The following PABPC4L variants were observed in gnomAD, a reference collection of about 807,000 sequenced individuals.
PABPC4L encodes poly(A) binding protein cytoplasmic 4 like.
For synonymous variants in PABPC4L, 169 were observed against 164.1 expected, an observed-to-expected ratio of 1.03 and a Z score of -0.23; for missense variants, 452 against 451.4, an observed-to-expected ratio of 1.00 and a Z score of -0.01.
At chr4:134,004,584 A>G in the PABPC4L span, among the ~76,000 whole-genome samples, 1 of 151,914 alleles carries the variant, frequency 6.6e-6, no homozygotes, top group Non-Finnish European at 1.5e-5. Flanking sequence ...GAAAATTACC[A>G]TATAATGCAG....
At chr4:134,059,447 C>T in the PABPC4L span, among the ~76,000 whole-genome samples, 1 of 149,718 alleles carries the variant, frequency 6.7e-6, no homozygotes, top group Non-Finnish European at 1.5e-5. Context: ...TATATATACA[C>T]ACATGTACAC....
chr4:134,099,246 A>C, the PABPC4L span, among the ~76,000 whole-genome samples: 2 of 151,730 alleles, frequency 1.3e-5, no homozygotes, highest in Non-Finnish European at 3.0e-5. Context: ...ATTATAGATT[A>C]AAATTATCTT....
chr4:134,095,897 C>A, the PABPC4L span, among the ~76,000 whole-genome samples: 355 of 152,102 alleles, frequency 2.3e-3, 4 homozygotes, highest in African/African-American at 7.9e-3. Flanking sequence ...CAGAGAACTT[C>A]CAGATCACTC....
chr4:134,120,742 T>C, the PABPC4L span, among the ~76,000 whole-genome samples: 8 of 151,510 alleles, frequency 5.3e-5, no homozygotes, highest in African/African-American at 1.9e-4. Flanking sequence ...TTTAATTTCA[T>C]TTAGGACACT....
the PABPC4L span, among the ~76,000 whole-genome samples, chr4:134,096,942 A>G: frequency 4.6e-5 from 7 of 152,106 alleles, no homozygotes; most frequent in Non-Finnish European, 7.4e-5. Context: ...TCTAAAGATC[A>G]TTTAAATATA....
the PABPC4L span, among the ~76,000 whole-genome samples, chr4:134,156,885 G>T: frequency 6.6e-6 from 1 of 151,914 alleles, no homozygotes; most frequent in Admixed American, 6.6e-5. Flanking sequence ...AACAGCTCTG[G>T]TCCACTAATG....
chr4:134,088,331 C>G, the PABPC4L span, among the ~76,000 whole-genome samples: 1 of 152,072 alleles, frequency 6.6e-6, no homozygotes, highest in Non-Finnish European at 1.5e-5. Context: ...TTCAAAAGCA[C>G]CTCTACTACT....
chr4:134,012,777 C>T, the PABPC4L span, among the ~76,000 whole-genome samples: 4 of 152,184 alleles, frequency 2.6e-5, no homozygotes, highest in African/African-American at 9.6e-5. Context: ...CGGTAAGCGG[C>T]CTCTTTTTAC....
At chr4:134,082,745 G>A in the PABPC4L span, among the ~76,000 whole-genome samples, 1 of 151,640 alleles carries the variant, frequency 6.6e-6, no homozygotes, top group Non-Finnish European at 1.5e-5. Flanking sequence ...TACATCATTA[G>A]CATATTTTTC....
At chr4:134,131,434 C>G in the PABPC4L span, among the ~76,000 whole-genome samples, 1 of 151,778 alleles carries the variant, frequency 6.6e-6, no homozygotes, top group Admixed American at 6.6e-5. Context: ...AGAACTCGAT[C>G]CCTTTTACAA....
rs1410458752 is a variant in PABPC4L, at chr4:134,200,865, C to T, written c.155G>A (p.Gly52Asp). ...CRDQVTRRSL[G>D]YAYVNFLQLA... ...CTGCAAGAAGTTCACGTAGGCATAG[C>T]CCAGAGAGCGGCGGGTGACCTGGTC... is the stretch of plus-strand genomic sequence containing the variant. Residue 52 changes from glycine (G) to aspartate (D), a missense_variant, in exon 2 of 2, where the codon GGC becomes GAC. Gly to Asp is a moderately conservative substitution (Grantham distance 94, BLOSUM62 -1). Coordinates refer to ENST00000421491, the MANE Select transcript of PABPC4L (RefSeq NM_001114734.2). 1 of 1,574,932 alleles carries T rather than the reference C, an allele frequency of 6.3e-7. No homozygotes were observed. Among genetic ancestry groups the T allele is most frequent in the East Asian group, 2.3e-5 (1 of 43,040 alleles).
chr4:133,970,052 TAAA>T, the PABPC4L span, among the ~76,000 whole-genome samples: 2 of 144,246 alleles, frequency 1.4e-5, no homozygotes, highest in African/African-American at 5.0e-5. Flanking sequence ...TTTATTTATT[TAAA>T]ATATTTAAAA....
chr4:134,054,044 T>G, the PABPC4L span, among the ~76,000 whole-genome samples: 1 of 151,632 alleles, frequency 6.6e-6, no homozygotes, highest in African/African-American at 2.4e-5. Flanking sequence ...AGTACATTTC[T>G]ACAGTGACAA....
downstream of PABPC4L, among the ~76,000 whole-genome samples, chr4:134,194,732 G>A (rs1729609127): frequency 6.6e-6 from 1 of 151,704 alleles, no homozygotes; most frequent in Non-Finnish European, 1.5e-5. Context: ...AAAGCTTTTA[G>A]TGAGGCAGGA....
chr4:133,957,828 C>T, the PABPC4L span, among the ~76,000 whole-genome samples: 106 of 152,278 alleles, frequency 7.0e-4, no homozygotes, highest in Non-Finnish European at 2.8e-4. Flanking sequence ...ATTAGTGTCC[C>T]GAGCTGTACC....
At chr4:134,092,628 A>G in the PABPC4L span, among the ~76,000 whole-genome samples, 1 of 151,980 alleles carries the variant, frequency 6.6e-6, no homozygotes, top group Non-Finnish European at 1.5e-5. Flanking sequence ...GGGGCTCTAG[A>G]GGTCACGGTC....
the PABPC4L span, among the ~76,000 whole-genome samples, chr4:134,136,977 C>T: frequency 1.3e-5 from 2 of 152,046 alleles, no homozygotes; most frequent in South Asian, 2.1e-4. Context: ...GTGTTGATAA[C>T]GCTGTGGTCT....
chr4:133,973,142 A>G, the PABPC4L span, among the ~76,000 whole-genome samples: 1 of 152,184 alleles, frequency 6.6e-6, no homozygotes, highest in African/African-American at 2.4e-5. Context: ...AATAGTTGAT[A>G]GAGGTTGATG....
the PABPC4L span, among the ~76,000 whole-genome samples, chr4:134,175,845 T>C: frequency 6.6e-6 from 1 of 152,110 alleles, no homozygotes. Flanking sequence ...TAATAGGCAA[T>C]TGAAAATACC....
Sources: gnomAD v4.1 joint callset for allele counts (sites outside exome capture counted in the v4.1 genomes callset) on GRCh38, gnomAD v4.1.1 for gene constraint, MANE v1.5 for transcripts, NCBI Gene and HGNC (gene_info 2026-07-23, HGNC 2026-07-21) for gene names.